The following PARM1 variants were observed in gnomAD, a reference collection of about 807,000 sequenced individuals.
The protein encoded by PARM1 is prostate androgen-regulated mucin-like protein 1, also known as WSC4, cell wall integrity and stress response component 4 homolog.
Under a neutral mutation model 24.6 loss-of-function variants are expected in PARM1, and 14 were observed. The ratio of observed to expected loss-of-function variants is 0.57; its 90% confidence interval spans 0.38 to 0.89. The LOEUF is 0.89. Among genes scored for constraint, PARM1 ranks in the 40% least tolerant of loss-of-function variants. The pLI is 0.00. For missense variants in PARM1, 362 were observed against 380.4 expected (o/e 0.95, Z 0.40); for synonymous variants, 179 against 156.6 (o/e 1.14, Z -1.07).
At position 75,004,936 on chromosome 4, in the gene PARM1, G is replaced by A. The variant is rs183451045; in HGVS notation, c.44-7489G>A. The stretch of plus-strand genomic sequence containing the variant: ...CATTCAAGCTTCAGCTGTACCGTGT[G>A]CTAGCAGTGTGACCTTAGGGAAATT... On this transcript the variant is annotated intron_variant, in intron 1 of 3. Transcript: ENST00000307428. Among the ~76,000 whole-genome samples the A allele has an allele frequency of 3.3e-3, 506 of 152,324 alleles. 5 individuals carry two copies. Among genetic ancestry groups the A allele is most frequent in the African/African-American group, 0.011 (471 of 41,558 alleles).
chr4:74,963,166 C>G (rs139932362), intron 1 of PARM1, among the ~76,000 whole-genome samples: 111 of 152,338 alleles, frequency 7.3e-4, no homozygotes, highest in African/African-American at 2.5e-3. Context: ...GTGAGTCAAT[C>G]AAACCTCTTT....
At chr4:74,936,584 A>G (rs1221486012) in intron 1 of PARM1, among the ~76,000 whole-genome samples, 4 of 151,100 alleles carry the variant, frequency 2.6e-5, no homozygotes, top group African/African-American at 4.9e-5. Context: ...CTCCCGAGTA[A>G]CTGGGACTAC....
chr4:74,955,812 A>G (rs28617262), intron 1 of PARM1, among the ~76,000 whole-genome samples: 2 of 152,226 alleles, frequency 1.3e-5, no homozygotes, highest in African/African-American at 4.8e-5. Flanking sequence ...TCAGTTATAG[A>G]TGTTTTGGCT....
At chr4:74,991,906 C>G (rs954768814) in intron 1 of PARM1, among the ~76,000 whole-genome samples, 4 of 152,160 alleles carry the variant, frequency 2.6e-5, no homozygotes, top group Non-Finnish European at 4.4e-5. Context: ...AACTAAGTTG[C>G]TATTTATACT....
At chr4:75,019,732 G>A (rs1273900127) in intron 2 of PARM1, among the ~76,000 whole-genome samples, 2 of 152,112 alleles carry the variant, frequency 1.3e-5, no homozygotes, top group East Asian at 1.9e-4. Context: ...GCCCGGGCGC[G>A]GTGGCTCACG....
intron 3 of PARM1, among the ~76,000 whole-genome samples, chr4:75,044,727 G>A (rs774888939): frequency 7.9e-5 from 12 of 151,798 alleles, no homozygotes; most frequent in South Asian, 2.1e-4. Flanking sequence ...AAACATACCC[G>A]AGACTGAGCA....
At chr4:74,938,040 G>C (rs961708461) in intron 1 of PARM1, among the ~76,000 whole-genome samples, 3 of 152,168 alleles carry the variant, frequency 2.0e-5, no homozygotes, top group African/African-American at 7.2e-5. Context: ...GGTCCCCAGA[G>C]CTACAAACTT....
intron 3 of PARM1, among the ~76,000 whole-genome samples, chr4:75,044,550 A>G (rs1723561048): frequency 6.6e-6 from 1 of 152,210 alleles, no homozygotes; most frequent in South Asian, 2.1e-4. Context: ...AATAATCCAT[A>G]CCTGCATGGA....
intron 1 of PARM1, among the ~76,000 whole-genome samples, chr4:74,963,703 G>A (rs968035746): frequency 1.3e-5 from 2 of 152,158 alleles, no homozygotes; most frequent in African/African-American, 4.8e-5. Flanking sequence ...TGTTTGGGAT[G>A]ATTGAAAAGT....
rs149181043 is a variant in PARM1 at position 74,960,065 on chromosome 4, G to A, written c.43+26695G>A. On this transcript the variant is annotated intron_variant, in intron 1 of 3. Transcript: ENST00000307428. ...AGCCCCATGGCAGACAGTTGTGCAC[G>A]TTTCATATGTAACTTGCAGGCAGTT... Among the ~76,000 whole-genome samples the A allele has an allele frequency of 2.3e-4, 35 of 152,324 alleles. 1 individual carries two copies. The East Asian group carries it at 4.4e-3, about 19-fold the overall frequency.
chr4:74,934,855 T>G (rs1408530570), intron 1 of PARM1, among the ~76,000 whole-genome samples: 2 of 152,248 alleles, frequency 1.3e-5, no homozygotes, highest in Non-Finnish European at 2.9e-5. Context: ...GAGGTTCGTT[T>G]GCAAATTTGA....
intron 1 of PARM1, among the ~76,000 whole-genome samples, chr4:74,951,292 C>G (rs1721517112): frequency 6.6e-6 from 1 of 152,172 alleles, no homozygotes; most frequent in Non-Finnish European, 1.5e-5. Context: ...ACCACGCCTG[C>G]AGTAAAGTCA....
chr4:74,936,286 T>C (rs1721181382), intron 1 of PARM1, among the ~76,000 whole-genome samples: 1 of 152,134 alleles, frequency 6.6e-6, no homozygotes, highest in African/African-American at 2.4e-5. Context: ...GATTCCAGAT[T>C]AAAATACAAA....
At chr4:74,987,334 T>A (rs1722376854) in intron 1 of PARM1, among the ~76,000 whole-genome samples, 1 of 152,132 alleles carries the variant, frequency 6.6e-6, no homozygotes, top group South Asian at 2.1e-4. Context: ...ATTTCTTTGT[T>A]AGCTGGGGGC....
chr4:75,003,516 C>T (rs73828404), intron 1 of PARM1, among the ~76,000 whole-genome samples: 4,548 of 152,218 alleles, frequency 0.03, 223 homozygotes, highest in African/African-American at 0.1. Context: ...AACAGAAGCT[C>T]TTTCCTCTTT....
Position 74,998,841 on chromosome 4 carries a change from T to C in PARM1, c.44-13584T>C, listed in dbSNP as rs559456444. Among the ~76,000 whole-genome samples, 3 of 152,198 alleles carry C rather than the reference T, an allele frequency of 2.0e-5. No individual in the cohort carries two copies. In the South Asian group the frequency reaches 6.2e-4, roughly 31 times the overall value. On this transcript the variant is annotated intron_variant, in intron 1 of 3. Transcript: ENST00000307428. ...CGGATTGCCTGCCTATCTTTGACAA[T>C]ATATCAGGACTTAGGAAACATTCCA...
intron 2 of PARM1, among the ~76,000 whole-genome samples, chr4:75,024,656 A>T (rs1256120833): frequency 2.0e-5 from 3 of 152,172 alleles, no homozygotes; most frequent in Non-Finnish European, 2.9e-5. Context: ...CAAAGGACAT[A>T]TGCAAACTTT....
intron 2 of PARM1, among the ~76,000 whole-genome samples, chr4:75,021,444 CTT>C (rs879613131): frequency 6.8e-6 from 1 of 146,220 alleles, no homozygotes; most frequent in Non-Finnish European, 1.5e-5. Context: ...GTGCCCAGTT[CTT>C]TTTTTTTTTC....
chr4:74,975,825 C>T (rs1300169380), intron 1 of PARM1, among the ~76,000 whole-genome samples: 2 of 152,086 alleles, frequency 1.3e-5, no homozygotes, highest in Non-Finnish European at 2.9e-5. Context: ...TGACTAGAAG[C>T]AGCTGCTGTC....
Sources: gnomAD v4.1 joint callset for allele counts (sites outside exome capture counted in the v4.1 genomes callset) on GRCh38, gnomAD v4.1.1 for gene constraint, MANE v1.5 for transcripts, NCBI Gene and HGNC (gene_info 2026-07-23, HGNC 2026-07-21) for gene names.